RPS5: variants seen among roughly 807,000 people sequenced by gnomAD.
RPS5 encodes the protein small ribosomal subunit protein uS7.
Under a neutral mutation model 20.9 loss-of-function variants are expected in RPS5, and 2 were observed. The observed-to-expected ratio is 0.10, with a 90% CI of 0.04 to 0.30. RPS5 has a LOEUF of 0.30. RPS5 is among the 10% of genes least tolerant of loss of function. The probability of loss-of-function intolerance (pLI) is 1.00; values close to 1 mark genes in which losing one functional copy is unlikely to be tolerated. For synonymous variants in RPS5, 112 were observed against 105.8 expected (o/e 1.06, Z -0.36); for missense variants, 122 against 287.2 (o/e 0.42, Z 4.16).
At chr19:58,392,325 G>C (rs527714500) in intron 2 of RPS5, among the ~76,000 whole-genome samples, 4 of 149,238 alleles carry the variant, frequency 2.7e-5, no homozygotes, top group African/African-American at 9.9e-5. Context: ...CAGCCTCAAG[G>C]GGGGGAAAAA....
chr19:58,390,823 G>A (rs8105899), intron 2 of RPS5, among the ~76,000 whole-genome samples: 15,494 of 152,158 alleles, frequency 0.1, 2,686 homozygotes, highest in African/African-American at 0.35. Context: ...TGAAAGCCCT[G>A]CGTGAATGCC....
chr19:58,390,426 CTTTTTTTTTTTTT>C lies in RPS5; in HGVS notation c.108+2198_108+2210del, dbSNP rs61279930. On this transcript the variant is annotated intron_variant, in intron 2 of 5. Coordinates refer to ENST00000196551, the MANE Select transcript of RPS5 (RefSeq NM_001009.4). ...TTGTGGGCCACACTGGCCACTGTTA[CTTTTTTTTTTTTT>C]TTTTTTTTTTTTTTTTGAGATGGAG... 9.4e-4 allele frequency among the ~76,000 whole-genome samples: 45 copies of C among 47,710 alleles called. No homozygotes were observed. The East Asian group carries it at 0.03, about 31-fold the overall frequency. The allele number at this position is 47,710 out of a possible 152,430, so 31.3% of individuals were successfully genotyped here. A position where few individuals can be genotyped will look rare whatever the true frequency, so the allele number is the denominator to read the frequency against.
intron 3 of RPS5, 27 bp downstream of exon 3, chr19:58,393,212 A>C: frequency 6.2e-7 from 1 of 1,613,862 alleles, no homozygotes; most frequent in Non-Finnish European, 8.5e-7. Context: ...TGGTGAGGGC[A>C]GGCTGTGCCC....
In RPS5 at chr19:58,393,098, G is replaced by T; in HGVS notation, c.231G>T (p.Met77Ile). ...TGGAGCGCCTCACTAACTCCATGAT[G>T]ATGCACGGCCGCAACAACGGCAAGA... is the stretch of plus-strand genomic sequence containing the variant. ...PIVERLTNSM[M>I]MHGRNNGKKL... is the part of the protein sequence containing the mutation. Residue 77 changes from methionine to isoleucine, a missense_variant, in exon 3 of 6, where the codon ATG becomes ATT. Met to Ile is a conservative substitution (Grantham distance 10). Around this residue, in one of 6 missense-constraint regions of RPS5, gnomAD observed 49 missense variants for 64.9 expected, o/e 0.75. Transcript: ENST00000196551. The T allele has an allele frequency of 2.5e-6, 4 of 1,614,262 alleles. No individual in the cohort carries two copies. The highest frequency in any genetic ancestry group is 3.4e-6 in the Non-Finnish European group (4 of 1,180,050).
In RPS5 at chr19:58,393,088, A is replaced by C. The variant is rs1599934838; in HGVS notation, c.221A>C (p.Asn74Thr). The change falls in exon 3 of 6, where the codon AAC becomes ACC. Residue 74 changes from asparagine (N) to threonine (T), a missense_variant. Physicochemically the swap from Asn to Thr is moderately conservative, Grantham distance 65. Transcript: ENST00000196551. ...AQCPIVERLTNSMMMHGRNNG... is the reference protein window; with the variant it reads ...AQCPIVERLTTSMMMHGRNNG... ...TGTCCCATTGTGGAGCGCCTCACTA[A>C]CTCCATGATGATGCACGGCCGCAAC... 6.2e-7 allele frequency: 1 copy of C among 1,614,132 alleles called. No homozygotes were observed. The highest frequency in any genetic ancestry group is 8.5e-7 in the Non-Finnish European group (1 of 1,180,008).
intron 4 of RPS5, chr19:58,394,295 C>A: frequency 1.7e-6 from 1 of 575,646 alleles, no homozygotes; most frequent in Non-Finnish European, 3.1e-6. Context: ...ACTGGGGACG[C>A]AACTTCAGCC....
At chr19:58,394,373 C>A in intron 4 of RPS5, 124 bp from the exon 5 acceptor site, 1 of 730,360 alleles carries the variant, frequency 1.4e-6, no homozygotes, top group Non-Finnish European at 2.4e-6. Flanking sequence ...GGCATGATGC[C>A]ACCACCTCTT....
Position 58,388,480 on chromosome 19 carries a change from G to A in RPS5, c.108+235G>A, listed in dbSNP as rs916777407. The A allele has an allele frequency of 6.0e-5, 33 of 551,458 alleles. No individual in the cohort carries two copies. The Middle Eastern group carries it at 1.9e-3, about 31-fold the overall frequency. 34.2% of individuals were successfully genotyped at this position (551,458 alleles called of 1,614,324 possible). A position where few individuals can be genotyped will look rare whatever the true frequency, so the allele number is the denominator to read the frequency against. On this transcript the variant is annotated intron_variant, in intron 2 of 5. Transcript: ENST00000196551. ...AGAAGGAGCATCACATCTCACATAT[G>A]GTATTTTTGTTACTGTTTTTGTAGT... is the stretch of plus-strand genomic sequence containing the variant.
At chr19:58,387,929 AG>A in intron 1 of RPS5, 1 of 575,502 alleles carries the variant, frequency 1.7e-6, no homozygotes, top group African/African-American at 1.9e-5. Context: ...TCTTGGGCCC[AG>A]GGGTTCTAGG....
chr19:58,390,426 CTTTTTTTTT>C (rs61279930), intron 2 of RPS5, among the ~76,000 whole-genome samples: 5 of 47,660 alleles, frequency 1.0e-4, no homozygotes, highest in Admixed American at 1.0e-3. Flanking sequence ...GCCACTGTTA[CTTTTTTTTT>C]TTTTTTTTTT....
chr19:58,394,059 C>G (rs1224110262), intron 4 of RPS5: 1 of 177,998 alleles, frequency 5.6e-6, no homozygotes, highest in Non-Finnish European at 1.2e-5. Flanking sequence ...CCTCAGCCTC[C>G]CAAAGTGCTA....
chr19:58,391,565 T>C (rs1377057628), intron 2 of RPS5, among the ~76,000 whole-genome samples: 2 of 151,766 alleles, frequency 1.3e-5, no homozygotes, highest in African/African-American at 4.8e-5. Context: ...ATTGCAACGT[T>C]GCACTCCAGC....
chr19:58,390,364 A>G lies in RPS5; in HGVS notation c.108+2119A>G, dbSNP rs367883996. ...CATGAGCCACTGCGCCCAGCCCACAAACATTTTCATTATAGGCCCAGATAA... is the reference window on the plus strand; with the variant it reads ...CATGAGCCACTGCGCCCAGCCCACAGACATTTTCATTATAGGCCCAGATAA... On this transcript the variant is annotated intron_variant, in intron 2 of 5. Transcript: ENST00000196551. 5.3e-5 allele frequency among the ~76,000 whole-genome samples: 8 copies of G among 150,698 alleles called. No individual in the cohort carries two copies. In the South Asian group the frequency reaches 1.3e-3, roughly 24 times the overall value.
intron 2 of RPS5, among the ~76,000 whole-genome samples, chr19:58,389,030 C>T (rs920969892): frequency 1.3e-5 from 2 of 152,100 alleles, no homozygotes; most frequent in Non-Finnish European, 2.9e-5. Flanking sequence ...TTAAGTTTTG[C>T]AATTGGGAAG....
intron 2 of RPS5, 39 bp from the exon 3 acceptor site, chr19:58,392,937 G>C: frequency 6.2e-7 from 1 of 1,600,138 alleles, no homozygotes; most frequent in Non-Finnish European, 8.6e-7. Flanking sequence ...TGCTGCTCCT[G>C]ACCATTTTCC....
In RPS5 at chr19:58,393,158, C is replaced by T. The variant is rs749586251; in HGVS notation, c.291C>T (p.Phe97=). ...LMTVRIVKHA[F]EIIHLLTGEN... is the part of the protein sequence containing the mutation. ...CTGTGCGCATCGTCAAGCATGCCTT[C>T]GAGATCATACACCTGCTCACAGGCG... The change falls in exon 3 of 6, where the codon TTC becomes TTT. Residue 97 remains phenylalanine (F), a synonymous_variant. Transcript: ENST00000196551. The T allele has an allele frequency of 3.1e-6, 5 of 1,614,090 alleles. No homozygotes were observed. The highest frequency in any genetic ancestry group is 2.2e-5 in the East Asian group (1 of 44,892).
chr19:58,393,955 A>G (rs181989762), intron 4 of RPS5: 70 of 171,320 alleles, frequency 4.1e-4, no homozygotes, highest in Non-Finnish European at 5.6e-4. Flanking sequence ...AATTGGGTCC[A>G]AGTTAAAAGC....
rs2052375142 is a variant in RPS5, at chr19:58,393,194, CTG to C, written c.318+12_318+13del. On this transcript the variant is annotated intron_variant, in intron 3 of 5. Coordinates refer to ENST00000196551, the MANE Select transcript of RPS5 (RefSeq NM_001009.4). ...ACCTGCTCACAGGCGAGGTAGGGCT[CTG>C]TGGCCTGGTGAGGGCAGGCTGTGCC... 1.2e-6 allele frequency: 2 copies of C among 1,614,056 alleles called. No homozygotes were observed. The highest frequency in any genetic ancestry group is 1.7e-6 in the Non-Finnish European group (2 of 1,180,006).
At position 58,393,034 on chromosome 19, in the gene RPS5, A is replaced by T; in HGVS notation, c.167A>T (p.Tyr56Phe). 6.2e-7 allele frequency: 1 copy of T among 1,614,130 alleles called. No individual in the cohort carries two copies. The highest frequency in any genetic ancestry group is 1.3e-5 in the African/African-American group (1 of 75,064). The change falls in exon 3 of 6, where the codon TAT becomes TTT. Residue 56 changes from tyrosine (Y) to phenylalanine (F), a missense_variant. By Grantham distance (22) the Tyr-to-Phe change is conservative (BLOSUM62 3). Around this residue, in one of 6 missense-constraint regions of RPS5, gnomAD observed 9 missense variants for 45.4 expected, o/e 0.20. Coordinates refer to ENST00000196551, the MANE Select transcript of RPS5 (RefSeq NM_001009.4). The part of the protein sequence containing the change: ...AKYLPHSAGR[Y>F]AAKRFRKAQC... ...TACCTGCCTCACAGTGCAGGGCGGTATGCCGCCAAACGCTTCCGCAAAGCT... is the reference window on the plus strand; with the variant it reads ...TACCTGCCTCACAGTGCAGGGCGGTTTGCCGCCAAACGCTTCCGCAAAGCT...
Sources: allele counts gnomAD v4.1 joint callset (sites outside exome capture counted in the v4.1 genomes callset), GRCh38; gene constraint gnomAD v4.1.1; regional missense constraint gnomAD v4.1.1; transcripts MANE v1.5; gene names NCBI Gene and HGNC (gene_info 2026-07-23, HGNC 2026-07-21).